TMEM272: variants seen among roughly 807,000 people sequenced by gnomAD.
TMEM272 encodes transmembrane protein 272.
A neutral mutation model predicts 3.7 loss-of-function variants in TMEM272; 8 were observed. The ratio of observed to expected loss-of-function variants is 2.17; its 90% CI spans 1.27 to 3.91. The LOEUF (loss-of-function observed/expected upper bound fraction) is 3.91, where lower values mean the gene tolerates loss of function less well. Ranked by LOEUF, TMEM272 falls within the 30% of genes most tolerant of loss-of-function variation. The pLI is 0.00. For synonymous variants in TMEM272, 63 were observed against 39.8 expected (o/e 1.58, Z -2.20); for missense variants, 166 against 91.5 (o/e 1.81, Z -3.32).
chr13:51,913,890 TTTTGGGTGCA>T, the TMEM272 span, among the ~76,000 whole-genome samples: 1 of 152,084 alleles, frequency 6.6e-6, no homozygotes, highest in Non-Finnish European at 1.5e-5. Flanking sequence ...ATGGCTGGGA[TTTTGGGTGCA>T]TTTGGGAGGA....
chr13:51,922,423 T>G, the TMEM272 span, among the ~76,000 whole-genome samples: 1 of 152,174 alleles, frequency 6.6e-6, no homozygotes, highest in East Asian at 1.9e-4. Context: ...CACGGTAATT[T>G]TTTAAATTAT....
chr13:51,825,985 GATTA>G (rs2139561434), intron 3 of TMEM272, among the ~76,000 whole-genome samples: 1 of 152,162 alleles, frequency 6.6e-6, no homozygotes, highest in South Asian at 2.1e-4. Context: ...AGGAGCATGA[GATTA>G]ATTTCACTGA....
At chr13:51,859,486 C>T in the TMEM272 span, among the ~76,000 whole-genome samples, 2 of 147,208 alleles carry the variant, frequency 1.4e-5, no homozygotes, top group Non-Finnish European at 3.0e-5. Flanking sequence ...GCCCAACCTG[C>T]ACCCCCGACT....
At chr13:51,899,337 TAC>T in the TMEM272 span, among the ~76,000 whole-genome samples, 25,693 of 152,110 alleles carry the variant, frequency 0.17, 2,343 homozygotes, top group Middle Eastern at 0.26. Context: ...CATAAATATA[TAC>T]AGTTATTATG....
At chr13:51,861,336 G>A in the TMEM272 span, among the ~76,000 whole-genome samples, 288 of 152,220 alleles carry the variant, frequency 1.9e-3, 6 homozygotes, top group East Asian at 0.046. Context: ...TGCTAAGAGA[G>A]TAGATTGTGG....
At chr13:51,852,631 G>C in the TMEM272 span, among the ~76,000 whole-genome samples, 1 of 152,150 alleles carries the variant, frequency 6.6e-6, no homozygotes, top group Admixed American at 6.5e-5. Flanking sequence ...TGTAATCCCA[G>C]GACTTTGGGA....
the TMEM272 span, among the ~76,000 whole-genome samples, chr13:51,915,620 G>A: frequency 2.6e-5 from 4 of 152,192 alleles, no homozygotes; most frequent in Non-Finnish European, 5.9e-5. Context: ...CCATGCCCCT[G>A]GGTGAGTCAC....
At chr13:51,909,363 T>C in the TMEM272 span, 3 of 873,212 alleles carry the variant, frequency 3.4e-6, no homozygotes, top group Non-Finnish European at 3.9e-6. Context: ...TTCAGTGGCA[T>C]GGCTGATCAT....
chr13:51,910,994 A>ACTC, the TMEM272 span, among the ~76,000 whole-genome samples: 1 of 151,970 alleles, frequency 6.6e-6, no homozygotes, highest in South Asian at 2.1e-4. Context: ...AGCAGAAGAA[A>ACTC]CTCCCAGCTG....
rs917162006 is a variant in TMEM272, at chr13:51,814,455, G to A, written c.*2296C>T. The A allele has an allele frequency of 6.6e-6, 1 of 152,244 alleles. No homozygotes were observed. Among genetic ancestry groups the A allele is most frequent in the African/African-American group, 2.4e-5 (1 of 41,462 alleles). 9.4% of individuals were successfully genotyped at this position (152,244 alleles called of 1,614,324 possible). A position where few individuals can be genotyped will look rare whatever the true frequency, so the allele number is the denominator to read the frequency against. On this transcript the variant is annotated 3_prime_UTR_variant, in exon 5 of 5. Coordinates refer to ENST00000629372, the MANE Select transcript of TMEM272 (RefSeq NM_001351003.2). ...TAGGATCTAACCTGTTTCCCCAGAA[G>A]GGGGTAATTTTGTTTTTTAGAGATG...
At chr13:51,818,747 G>T (rs938667084) in intron 4 of TMEM272, among the ~76,000 whole-genome samples, 3 of 152,220 alleles carry the variant, frequency 2.0e-5, no homozygotes, top group Non-Finnish European at 4.4e-5. Flanking sequence ...TTTCCAAAAT[G>T]GAGAGTTATT....
chr13:51,857,087 CAG>C, the TMEM272 span, among the ~76,000 whole-genome samples: 9 of 152,044 alleles, frequency 5.9e-5, no homozygotes, highest in East Asian at 1.7e-3. Context: ...CAATTGTTTA[CAG>C]AGATTAAAAT....
chr13:51,840,003 C>T (rs1238539216), intron 1 of TMEM272, among the ~76,000 whole-genome samples: 1 of 152,200 alleles, frequency 6.6e-6, no homozygotes, highest in East Asian at 1.9e-4. Context: ...AGGCATATCA[C>T]CAGCGCCCTG....
the TMEM272 span, among the ~76,000 whole-genome samples, chr13:51,856,175 A>G: frequency 1.3e-5 from 2 of 152,212 alleles, no homozygotes; most frequent in Admixed American, 6.5e-5. Context: ...GGGTGGGGCC[A>G]CAGGACTGGC....
the TMEM272 span, among the ~76,000 whole-genome samples, chr13:51,851,410 C>CAAGAAG: frequency 3.7e-3 from 524 of 139,942 alleles, 17 homozygotes; most frequent in Admixed American, 0.037. Flanking sequence ...AGAAGAAGAA[C>CAAGAAG]AAGAAGAAGA....
At chr13:51,883,761 TC>T in the TMEM272 span, among the ~76,000 whole-genome samples, 1 of 152,214 alleles carries the variant, frequency 6.6e-6, no homozygotes, top group Non-Finnish European at 1.5e-5. Flanking sequence ...GGAATTTGTC[TC>T]CTGTTGCTAC....
chr13:51,859,901 T>A, the TMEM272 span, among the ~76,000 whole-genome samples: 1 of 151,932 alleles, frequency 6.6e-6, no homozygotes, highest in African/African-American at 2.4e-5. Context: ...TCTATTTTTT[T>A]TTTTGTTTTG....
the TMEM272 span, among the ~76,000 whole-genome samples, chr13:51,885,949 C>T: frequency 6.6e-6 from 1 of 152,176 alleles, no homozygotes; most frequent in Non-Finnish European, 1.5e-5. Context: ...AGCTTGCCAG[C>T]CTTATGCTCC....
At chr13:51,832,528 A>T (rs181029181) in intron 2 of TMEM272, among the ~76,000 whole-genome samples, 3 of 152,226 alleles carry the variant, frequency 2.0e-5, no homozygotes, top group Admixed American at 2.0e-4. Context: ...CAGGAAGAGA[A>T]ACTCAAACTA....
Sources: gnomAD v4.1 joint callset for allele counts (sites outside exome capture counted in the v4.1 genomes callset) on GRCh38, gnomAD v4.1.1 for gene constraint, MANE v1.5 for transcripts, NCBI Gene and HGNC (gene_info 2026-07-23, HGNC 2026-07-21) for gene names.